Variants in SIM1 observed in about 807,000 individuals in gnomAD.
SIM1 encodes the protein single-minded homolog 1.
A neutral mutation model predicts 78.2 loss-of-function variants in SIM1; 18 were observed. The observed-to-expected ratio is 0.23, with a 90% CI of 0.16 to 0.34. The LOEUF is 0.34. SIM1 is among the 10% of genes least tolerant of loss of function. The pLI, the probability that SIM1 is intolerant of heterozygous loss-of-function variation, is 1.00. For missense variants in SIM1, 939 were observed against 975.1 expected (o/e 0.96, Z 0.49); for synonymous variants, 417 against 385.2 (o/e 1.08, Z -0.97).
At position 100,449,265 on chromosome 6, in the gene SIM1, C is replaced by T. The variant is rs908275735; in HGVS notation, c.543+98G>A. 2.1e-5 allele frequency: 21 copies of T among 981,476 alleles called. No homozygotes were observed. The Admixed American group carries it at 3.2e-4, about 15-fold the overall frequency. The allele number at this position is 981,476 out of a possible 1,614,324, so 60.8% of individuals were successfully genotyped here. A position where few individuals can be genotyped will look rare whatever the true frequency, so the allele number is the denominator to read the frequency against. ...TCGACGCAAGCTGGGGGTGCCCTTGCGGGTAGTCCCAGAGGTAGGGACATT... is the reference window on the plus strand; with the variant it reads ...TCGACGCAAGCTGGGGGTGCCCTTGTGGGTAGTCCCAGAGGTAGGGACATT... On this transcript the variant is annotated intron_variant, in intron 6 of 11. Transcript: ENST00000369208.
chr6:100,437,792 A>G (rs1403664108), intron 9 of SIM1, among the ~76,000 whole-genome samples: 1 of 152,174 alleles, frequency 6.6e-6, no homozygotes, highest in East Asian at 1.9e-4. Context: ...TGCAGAAATC[A>G]CCACATACAA....
At chr6:100,461,841 C>CTTTTTT (rs10522700) in intron 2 of SIM1, among the ~76,000 whole-genome samples, 63 of 113,196 alleles carry the variant, frequency 5.6e-4, no homozygotes, top group East Asian at 7.3e-4. Flanking sequence ...TTCTTTCTTT[C>CTTTTTT]TTTTTTTTTT....
In SIM1 at chr6:100,390,398, T is replaced by G. The variant is rs765589962; in HGVS notation, c.2264A>C (p.His755Pro). 1 of 1,614,104 alleles carries G rather than the reference T, an allele frequency of 6.2e-7. No individual in the cohort carries two copies. The highest frequency in any genetic ancestry group is 8.5e-7 in the Non-Finnish European group (1 of 1,179,998). ...LRMQPDPAQG[H>P]KGTSVIITNG... ...GGTTATTATAACAGATGTTCCCTTGTGTCCTTGTGCTGGGTCTGGTTGCAT... is the reference window on the plus strand; with the variant it reads ...GGTTATTATAACAGATGTTCCCTTGGGTCCTTGTGCTGGGTCTGGTTGCAT... The change falls in exon 12 of 12, where the codon CAC becomes CCC. Residue 755 changes from histidine (H) to proline (P), a missense_variant. Physicochemically the swap from His to Pro is moderately conservative, Grantham distance 77. Coordinates refer to ENST00000369208, the MANE Select transcript of SIM1 (RefSeq NM_005068.3).
chr6:100,420,488 A>G (rs537447576), intron 10 of SIM1, among the ~76,000 whole-genome samples: 23 of 152,070 alleles, frequency 1.5e-4, no homozygotes, highest in Non-Finnish European at 2.5e-4. Flanking sequence ...CATCATGGTC[A>G]CTCACTGGGT....
chr6:100,400,007 A>G (rs1770866855), intron 10 of SIM1, among the ~76,000 whole-genome samples: 1 of 152,060 alleles, frequency 6.6e-6, no homozygotes, highest in Admixed American at 6.5e-5. Flanking sequence ...GCATTAAATA[A>G]AACAAAACAA....
At chr6:100,434,255 T>A (rs375453536) in intron 9 of SIM1, among the ~76,000 whole-genome samples, 1 of 152,200 alleles carries the variant, frequency 6.6e-6, no homozygotes, top group African/African-American at 2.4e-5. Context: ...ATTCCTGAGC[T>A]GTAACCCTGC....
intron 2 of SIM1, among the ~76,000 whole-genome samples, chr6:100,454,288 A>G (rs572008978): frequency 5.9e-5 from 9 of 152,342 alleles, no homozygotes; most frequent in African/African-American, 1.9e-4. Flanking sequence ...CAGCGACCTG[A>G]GACGACCGGC....
chr6:100,392,426 T>A (rs1441739693), intron 11 of SIM1, among the ~76,000 whole-genome samples: 1 of 152,242 alleles, frequency 6.6e-6, no homozygotes, highest in Non-Finnish European at 1.5e-5. Flanking sequence ...TCTTTTCTTC[T>A]TGTTTTATTT....
chr6:100,426,152 C>T (rs887756481), intron 9 of SIM1, among the ~76,000 whole-genome samples: 1 of 152,118 alleles, frequency 6.6e-6, no homozygotes, highest in East Asian at 1.9e-4. Flanking sequence ...TTGTAGAGAG[C>T]TCCACACATC....
At chr6:100,460,023 T>G (rs1055316317) in intron 2 of SIM1, among the ~76,000 whole-genome samples, 1 of 152,242 alleles carries the variant, frequency 6.6e-6, no homozygotes, top group African/African-American at 2.4e-5. Context: ...TGTCACTAAT[T>G]GGCAGATATG....
intron 9 of SIM1, among the ~76,000 whole-genome samples, chr6:100,428,436 A>C (rs73509396): frequency 0.038 from 5,769 of 152,276 alleles, 321 homozygotes; most frequent in African/African-American, 0.12. Flanking sequence ...CATTTTTTAA[A>C]GGTTTAACCT....
At chr6:100,391,136 C>T (rs1189855941) in intron 11 of SIM1, 45 bp from the exon 12 acceptor site, 1 of 1,524,426 alleles carries the variant, frequency 6.6e-7, no homozygotes, top group Non-Finnish European at 8.7e-7. Flanking sequence ...CAGAATTCAC[C>T]CTCAAAATAA....
intron 9 of SIM1, among the ~76,000 whole-genome samples, chr6:100,439,877 C>G (rs1772161413): frequency 6.6e-6 from 1 of 152,092 alleles, no homozygotes; most frequent in African/African-American, 2.4e-5. Context: ...TCTCTACTCC[C>G]CTTAGAGCAT....
At chr6:100,412,051 G>A (rs1771203775) in intron 10 of SIM1, among the ~76,000 whole-genome samples, 1 of 152,068 alleles carries the variant, frequency 6.6e-6, no homozygotes, top group Non-Finnish European at 1.5e-5. Context: ...GAACAGCTAG[G>A]GCAGTGGTGG....
At position 100,449,717 on chromosome 6, in the gene SIM1, T is replaced by C; in HGVS notation, c.349-18A>G. On this transcript the variant is annotated intron_variant, in intron 4 of 11. Coordinates refer to ENST00000369208, the MANE Select transcript of SIM1 (RefSeq NM_005068.3). ...AGCTCTACCTGTAAAGAGGAGGATGTCGCCGTCGCCGTGGCGGTGGAATGC... is the reference window on the plus strand; with the variant it reads ...AGCTCTACCTGTAAAGAGGAGGATGCCGCCGTCGCCGTGGCGGTGGAATGC... The C allele has an allele frequency of 6.2e-7, 1 of 1,602,176 alleles. No homozygotes were observed. The highest frequency in any genetic ancestry group is 1.1e-5 in the South Asian group (1 of 90,876).
intron 10 of SIM1, among the ~76,000 whole-genome samples, chr6:100,416,120 A>G (rs1771394312): frequency 6.6e-6 from 1 of 152,118 alleles, no homozygotes; most frequent in South Asian, 2.1e-4. Context: ...TGAATCCTTA[A>G]AAACTCTTAG....
chr6:100,404,303 A>C (rs3798513), intron 10 of SIM1, among the ~76,000 whole-genome samples: 10,392 of 152,316 alleles, frequency 0.068, 469 homozygotes, highest in East Asian at 0.17. Context: ...ATGTTCCAAC[A>C]ATAGATGTTA....
intron 9 of SIM1, among the ~76,000 whole-genome samples, chr6:100,424,485 G>T (rs1477441022): frequency 6.6e-6 from 1 of 152,072 alleles, no homozygotes; most frequent in Non-Finnish European, 1.5e-5. Context: ...ATCCAAGTTG[G>T]AGTGCAGTGG....
intron 2 of SIM1, chr6:100,462,471 C>G (rs777555068): frequency 2.6e-5 from 4 of 152,176 alleles, no homozygotes; most frequent in Non-Finnish European, 5.9e-5. Flanking sequence ...CTGCTCTGTC[C>G]TCACACAGTG....
Sources: gnomAD v4.1 joint callset for allele counts (sites outside exome capture counted in the v4.1 genomes callset) on GRCh38, gnomAD v4.1.1 for gene constraint, MANE v1.5 for transcripts, NCBI Gene and HGNC (gene_info 2026-07-23, HGNC 2026-07-21) for gene names.